Variants in MACROD2 observed in about 807,000 individuals in gnomAD.
MACROD2 encodes mono-ADP ribosylhydrolase 2, also known as ADP-ribose glycohydrolase MACROD2.
A neutral mutation model predicts 70.4 loss-of-function variants in MACROD2; 36 were observed. The ratio of observed to expected loss-of-function variants is 0.51; its 90% CI spans 0.39 to 0.68. MACROD2 has a LOEUF of 0.68. Among genes scored for constraint, MACROD2 ranks in the 30% least tolerant of loss-of-function variants. MACROD2 has a pLI of 0.00. For synonymous variants in MACROD2, 172 were observed against 178.8 expected (o/e 0.96, Z 0.30); for missense variants, 496 against 538.4 (o/e 0.92, Z 0.78).
At chr20:14,848,214 A>G (rs1293162317) in intron 5 of MACROD2, among the ~76,000 whole-genome samples, 1 of 152,186 alleles carries the variant, frequency 6.6e-6, no homozygotes, top group Non-Finnish European at 1.5e-5. Context: ...CACTGTACTC[A>G]TTCACTTACT....
chr20:14,968,951 A>G (rs190424907), intron 5 of MACROD2, among the ~76,000 whole-genome samples: 1 of 152,290 alleles, frequency 6.6e-6, no homozygotes, highest in East Asian at 1.9e-4. Context: ...AGGATTGACT[A>G]TGTATTACTT....
At chr20:14,439,703 C>T (rs886953144) in intron 3 of MACROD2, among the ~76,000 whole-genome samples, 2 of 152,078 alleles carry the variant, frequency 1.3e-5, no homozygotes, top group African/African-American at 4.8e-5. Flanking sequence ...ATGTTATTTA[C>T]TAACAGTTGT....
At chr20:15,161,394 G>A (rs1281310365) in intron 5 of MACROD2, among the ~76,000 whole-genome samples, 4 of 149,958 alleles carry the variant, frequency 2.7e-5, no homozygotes, top group Middle Eastern at 3.5e-3. Context: ...ATATAATATA[G>A]TATAATTAAT....
chr20:15,431,699 A>G (rs1028446416), intron 7 of MACROD2, among the ~76,000 whole-genome samples: 1 of 152,066 alleles, frequency 6.6e-6, no homozygotes. Flanking sequence ...ATTTGGTTCC[A>G]GTAGGATTGA....
chr20:15,689,401 A>C (rs2050270493), intron 8 of MACROD2, among the ~76,000 whole-genome samples: 1 of 152,158 alleles, frequency 6.6e-6, no homozygotes, highest in Non-Finnish European at 1.5e-5. Context: ...AATTAAAAAG[A>C]TAACAGATTT....
chr20:15,775,929 C>T (rs1568554504), intron 8 of MACROD2, among the ~76,000 whole-genome samples: 2 of 152,044 alleles, frequency 1.3e-5, no homozygotes, highest in Non-Finnish European at 1.5e-5. Flanking sequence ...GGAAAAGTAC[C>T]CATGAATCAG....
intron 16 of MACROD2, among the ~76,000 whole-genome samples, chr20:16,043,922 T>C (rs1051850838): frequency 6.6e-6 from 1 of 152,106 alleles, no homozygotes; most frequent in Non-Finnish European, 1.5e-5. Context: ...ACATCCAAAC[T>C]GTCAACCCAA....
intron 3 of MACROD2, among the ~76,000 whole-genome samples, chr20:14,146,286 T>A (rs2054941919): frequency 6.6e-6 from 1 of 151,792 alleles, no homozygotes. Flanking sequence ...GCCACTGCAC[T>A]CCAGCCTGGG....
intron 15 of MACROD2, among the ~76,000 whole-genome samples, chr20:15,992,103 T>G (rs1047078537): frequency 6.6e-6 from 1 of 152,202 alleles, no homozygotes; most frequent in Admixed American, 6.5e-5. Flanking sequence ...CTTTGATTTC[T>G]TGCTACAATA....
intron 6 of MACROD2, among the ~76,000 whole-genome samples, chr20:15,336,708 G>A (rs1163711273): frequency 2.0e-5 from 3 of 151,612 alleles, no homozygotes; most frequent in Admixed American, 6.6e-5. Flanking sequence ...TGGCCTGCGG[G>A]GACAGTTGTC....
At chr20:15,834,193 A>G (rs185149645) in intron 8 of MACROD2, among the ~76,000 whole-genome samples, 45 of 152,278 alleles carry the variant, frequency 3.0e-4, no homozygotes, top group African/African-American at 1.0e-3. Flanking sequence ...TGCAAAAATT[A>G]GCTGGGTGTG....
chr20:14,596,771 TAA>T (rs1213067712), intron 4 of MACROD2, among the ~76,000 whole-genome samples: 1 of 152,170 alleles, frequency 6.6e-6, no homozygotes, highest in African/African-American at 2.4e-5. Flanking sequence ...TCTTTGAGAT[TAA>T]GTTTGCCCAT....
At chr20:15,874,430 A>G (rs1175629350) in intron 9 of MACROD2, among the ~76,000 whole-genome samples, 3 of 152,134 alleles carry the variant, frequency 2.0e-5, no homozygotes, top group African/African-American at 7.2e-5. Flanking sequence ...GTATATACCC[A>G]GTAGTGGGGT....
At chr20:15,536,664 T>C (rs1019735496) in intron 8 of MACROD2, among the ~76,000 whole-genome samples, 3 of 152,154 alleles carry the variant, frequency 2.0e-5, no homozygotes, top group African/African-American at 7.2e-5. Flanking sequence ...CATCTAAAGA[T>C]TTGTTGATGG....
chr20:14,322,389 A>G (rs528936027), intron 3 of MACROD2, among the ~76,000 whole-genome samples: 1 of 140,446 alleles, frequency 7.1e-6, no homozygotes, highest in African/African-American at 2.6e-5. Flanking sequence ...TACTGACTGG[A>G]AAATATCAAT....
At chr20:14,024,846 T>A (rs1386711072) in intron 2 of MACROD2, among the ~76,000 whole-genome samples, 1 of 152,200 alleles carries the variant, frequency 6.6e-6, no homozygotes, top group Admixed American at 6.5e-5. Flanking sequence ...TTTTGTTGTG[T>A]CTCTGCCAGG....
intron 3 of MACROD2, among the ~76,000 whole-genome samples, chr20:14,261,003 A>G (rs1212682715): frequency 6.6e-6 from 1 of 152,244 alleles, no homozygotes; most frequent in Non-Finnish European, 1.5e-5. Flanking sequence ...TCTACAGAGT[A>G]CCATCATAAT....
chr20:15,244,954 T>C (rs1474808286), intron 6 of MACROD2, among the ~76,000 whole-genome samples: 2 of 152,196 alleles, frequency 1.3e-5, no homozygotes, highest in African/African-American at 2.4e-5. Context: ...TAAGAGTTAC[T>C]TCAAATTCAA....
intron 4 of MACROD2, among the ~76,000 whole-genome samples, chr20:14,530,793 C>T (rs140213123): frequency 4.3e-4 from 66 of 152,216 alleles, no homozygotes; most frequent in South Asian, 1.0e-3. Flanking sequence ...TTATGGCATA[C>T]GTAACAGAAT....
Sources: gnomAD v4.1 joint callset for allele counts (sites outside exome capture counted in the v4.1 genomes callset) on GRCh38, gnomAD v4.1.1 for gene constraint, MANE v1.5 for transcripts, NCBI Gene and HGNC (gene_info 2026-07-23, HGNC 2026-07-21) for gene names.